The following CDH23 variants were observed in gnomAD, a reference collection of about 807,000 sequenced individuals.
CDH23 encodes cadherin-23.
CDH23 carries 189 observed loss-of-function variants against 317.1 expected under a neutral mutation model. The ratio of observed to expected loss-of-function variants is 0.60; its 90% confidence interval spans 0.53 to 0.67. The LOEUF is 0.67. Among genes scored for constraint, CDH23 ranks in the 30% least tolerant of loss-of-function variants. The pLI is 0.00. For synonymous variants in CDH23, 1,839 were observed against 1,876.8 expected, an observed-to-expected ratio of 0.98 and a Z score of 0.52; for missense variants, 4,401 against 4,592.4, an observed-to-expected ratio of 0.96 and a Z score of 1.20.
At chr10:71,479,035 G>C in intron 3 of CDH23, among the ~76,000 whole-genome samples, 1 of 152,160 alleles carries the variant, frequency 6.6e-6, no homozygotes, top group East Asian at 1.9e-4. Flanking sequence ...ACTTCAAGGA[G>C]GGGACTTCCA....
chr10:71,620,777 AC>A (rs1304307830), intron 11 of CDH23, among the ~76,000 whole-genome samples: 3 of 152,088 alleles, frequency 2.0e-5, no homozygotes, highest in Non-Finnish European at 2.9e-5. Flanking sequence ...AGGCCACCCA[AC>A]CCTGAGGTCA....
intron 6 of CDH23, among the ~76,000 whole-genome samples, chr10:71,553,552 A>T (rs568017161): frequency 8.6e-5 from 13 of 151,950 alleles, no homozygotes; most frequent in African/African-American, 3.1e-4. Context: ...CAGAATGTAC[A>T]CTCACCCAGG....
intron 28 of CDH23, among the ~76,000 whole-genome samples, chr10:71,721,303 C>T (rs775836080): frequency 1.2e-4 from 19 of 152,174 alleles, no homozygotes; most frequent in Non-Finnish European, 2.6e-4. Context: ...AAGAACTGCA[C>T]GGCAAGGGGC....
Position 71,679,504 on chromosome 10 carries a change from G to A in CDH23, c.1858+12G>A. The A allele has an allele frequency of 6.3e-7, 1 of 1,590,846 alleles. No individual in the cohort carries two copies. Among genetic ancestry groups the A allele is most frequent in the Admixed American group, 1.8e-5 (1 of 56,562 alleles). On this transcript the variant is annotated intron_variant, in intron 17 of 69. Coordinates refer to ENST00000224721, the MANE Select transcript of CDH23 (RefSeq NM_022124.6). ...CGAGGGCTATGGAGGTAGGTGTGGG[G>A]CAGAACTCGGGGCCCAGCCAGGAGG...
chr10:71,730,398 A>G, intron 30 of CDH23, 71 bp from the exon 31 acceptor site: 1 of 1,567,344 alleles, frequency 6.4e-7, no homozygotes, highest in Non-Finnish European at 8.7e-7. Context: ...AGGCGGCCAC[A>G]GTGGGCCAAG....
intron 28 of CDH23, among the ~76,000 whole-genome samples, chr10:71,720,113 A>G (rs1243169312): frequency 6.6e-6 from 1 of 152,204 alleles, no homozygotes; most frequent in Non-Finnish European, 1.5e-5. Context: ...CCTGCCAGCC[A>G]CCAGGTTACC....
intron 9 of CDH23, among the ~76,000 whole-genome samples, chr10:71,594,650 C>T (rs1328518729): frequency 6.6e-6 from 1 of 152,206 alleles, no homozygotes; most frequent in African/African-American, 2.4e-5. Context: ...GCTGGGATTA[C>T]AGGCATGAGC....
intron 3 of CDH23, among the ~76,000 whole-genome samples, chr10:71,486,119 A>C (rs1852333260): frequency 6.6e-6 from 1 of 152,180 alleles, no homozygotes; most frequent in African/African-American, 2.4e-5. Context: ...TGAATGGATA[A>C]ATGGGAGAAT....
intron 3 of CDH23, among the ~76,000 whole-genome samples, chr10:71,484,817 G>A (rs1447966749): frequency 6.6e-6 from 1 of 152,082 alleles, no homozygotes; most frequent in Non-Finnish European, 1.5e-5. Flanking sequence ...GTTTGCTGGG[G>A]TTTTATTACA....
chr10:71,482,215 C>T (rs112462833), intron 3 of CDH23, among the ~76,000 whole-genome samples: 129 of 152,214 alleles, frequency 8.5e-4, no homozygotes, highest in Non-Finnish European at 1.4e-3. Flanking sequence ...TTGCTCCCTT[C>T]GTCACTTTCT....
intron 1 of CDH23, among the ~76,000 whole-genome samples, chr10:71,433,829 C>A (rs919655946): frequency 5.7e-5 from 6 of 104,892 alleles, no homozygotes; most frequent in Admixed American, 1.9e-4. Flanking sequence ...CACCGCTCCC[C>A]TGCCTGGAGC....
chr10:71,615,874 C>T (rs1861160836), intron 10 of CDH23, among the ~76,000 whole-genome samples: 1 of 152,232 alleles, frequency 6.6e-6, no homozygotes. Flanking sequence ...TTTATCCCCT[C>T]TCAGCGGGAG....
intron 8 of CDH23, 61 bp downstream of exon 8, chr10:71,570,979 C>G: frequency 6.3e-7 from 1 of 1,584,874 alleles, no homozygotes; most frequent in Non-Finnish European, 8.6e-7. Flanking sequence ...CTTCTGAGCT[C>G]CTGTTAGGGA....
At chr10:71,643,785 C>A in intron 11 of CDH23, 76 bp from the exon 12 acceptor site, 1 of 760,342 alleles carries the variant, frequency 1.3e-6, no homozygotes, top group Non-Finnish European at 2.4e-6. Context: ...CTCTCTGGTT[C>A]CTTCCTCCTC....
At chr10:71,576,401 T>G (rs1236581174) in intron 8 of CDH23, among the ~76,000 whole-genome samples, 1 of 152,012 alleles carries the variant, frequency 6.6e-6, no homozygotes, top group East Asian at 1.9e-4. Flanking sequence ...GCCCCTGCTG[T>G]GTCATGGCAG....
chr10:71,744,580 T>C (rs114396147), intron 38 of CDH23, among the ~76,000 whole-genome samples: 1,840 of 152,294 alleles, frequency 0.012, 30 homozygotes, highest in African/African-American at 0.042. Flanking sequence ...ATCCCACCCC[T>C]TGGGGAGCAT....
chr10:71,760,217 ATGTG>A (rs1336468309), intron 38 of CDH23, among the ~76,000 whole-genome samples: 2 of 47,648 alleles, frequency 4.2e-5, no homozygotes, highest in African/African-American at 1.5e-4. Flanking sequence ...GTGTGTATAT[ATGTG>A]TATATATATG....
intron 1 of CDH23, among the ~76,000 whole-genome samples, chr10:71,422,028 T>C (rs772028582): frequency 1.3e-5 from 2 of 152,208 alleles, no homozygotes; most frequent in Non-Finnish European, 2.9e-5. Flanking sequence ...AAGTTTGGGT[T>C]GAAGGTCTAT....
chr10:71,735,259 A>G (rs1839527309), intron 34 of CDH23, among the ~76,000 whole-genome samples: 1 of 152,004 alleles, frequency 6.6e-6, no homozygotes, highest in Admixed American at 6.6e-5. Flanking sequence ...TAGGAAGGGG[A>G]CCATGGGCAC....
Sources: gnomAD v4.1 joint callset for allele counts (sites outside exome capture counted in the v4.1 genomes callset) on GRCh38, gnomAD v4.1.1 for gene constraint, MANE v1.5 for transcripts, NCBI Gene and HGNC (gene_info 2026-07-23, HGNC 2026-07-21) for gene names.